Variants in GABRB1 observed in about 807,000 individuals in gnomAD.
The protein encoded by GABRB1 is gamma-aminobutyric acid receptor subunit beta-1.
Under a neutral mutation model 51.6 loss-of-function variants are expected in GABRB1, and 17 were observed. The ratio of observed to expected loss-of-function variants is 0.33; its 90% CI spans 0.23 to 0.49. The LOEUF is 0.49. Among genes scored for constraint, GABRB1 ranks in the 20% least tolerant of loss-of-function variants. The pLI is 0.99. For missense variants in GABRB1, 410 were observed against 600.6 expected, an observed-to-expected ratio of 0.68 and a Z score of 3.32; for synonymous variants, 247 against 218.9, an observed-to-expected ratio of 1.13 and a Z score of -1.14.
intron 5 of GABRB1, among the ~76,000 whole-genome samples, chr4:47,346,104 G>A (rs1172548593): frequency 6.6e-6 from 1 of 151,580 alleles, no homozygotes; most frequent in Non-Finnish European, 1.5e-5. Context: ...AAAAGAGAAA[G>A]AATTTGTTTG....
chr4:47,354,729 G>T (rs932274416), intron 5 of GABRB1, among the ~76,000 whole-genome samples: 2 of 151,910 alleles, frequency 1.3e-5, no homozygotes, highest in Non-Finnish European at 2.9e-5. Flanking sequence ...TGTATATCTG[G>T]CAATGATTTT....
chr4:47,164,000 C>T (rs1718067648), intron 4 of GABRB1, among the ~76,000 whole-genome samples: 1 of 151,952 alleles, frequency 6.6e-6, no homozygotes. Context: ...GAAGAGGAAG[C>T]AGGCATGTCT....
At chr4:47,273,864 T>TACACACATAC (rs1436701483) in intron 4 of GABRB1, among the ~76,000 whole-genome samples, 24,242 of 122,148 alleles carry the variant, frequency 0.2, 2,113 homozygotes, top group Non-Finnish European at 0.22. Context: ...CATATATACA[T>TACACACATAC]ACACACACAC....
intron 4 of GABRB1, among the ~76,000 whole-genome samples, chr4:47,218,111 T>C (rs1191184838): frequency 1.3e-5 from 2 of 151,892 alleles, no homozygotes; most frequent in African/African-American, 4.8e-5. Flanking sequence ...GCCTGGTTTA[T>C]TTCACTTAAT....
intron 3 of GABRB1, among the ~76,000 whole-genome samples, chr4:47,098,612 T>C (rs1331118960): frequency 2.6e-5 from 4 of 152,176 alleles, no homozygotes; most frequent in Admixed American, 6.6e-5. Flanking sequence ...TTTTAATTAA[T>C]ATCCATTATC....
intron 4 of GABRB1, among the ~76,000 whole-genome samples, chr4:47,246,726 AG>A (rs1288868765): frequency 6.6e-6 from 1 of 151,824 alleles, no homozygotes; most frequent in Non-Finnish European, 1.5e-5. Context: ...TCATTCTCAA[AG>A]GAGTAAGGTG....
chr4:47,358,555 C>T (rs890749927), intron 5 of GABRB1, among the ~76,000 whole-genome samples: 17 of 152,058 alleles, frequency 1.1e-4, no homozygotes, highest in African/African-American at 4.1e-4. Flanking sequence ...AGTTCAAAGG[C>T]AGTCTGAATG....
intron 5 of GABRB1, among the ~76,000 whole-genome samples, chr4:47,339,402 T>C (rs1037498458): frequency 1.3e-5 from 2 of 152,160 alleles, no homozygotes; most frequent in African/African-American, 2.4e-5. Context: ...AACTGTGGCT[T>C]AGGGAGAGCA....
At chr4:47,054,133 T>A (rs888442899) in intron 3 of GABRB1, among the ~76,000 whole-genome samples, 5 of 137,420 alleles carry the variant, frequency 3.6e-5, no homozygotes, top group Non-Finnish European at 7.9e-5. Context: ...AAGATGTAAG[T>A]AACCACTCAT....
At chr4:47,118,601 T>G (rs1020817014) in intron 3 of GABRB1, among the ~76,000 whole-genome samples, 1 of 152,198 alleles carries the variant, frequency 6.6e-6, no homozygotes, top group African/African-American at 2.4e-5. Flanking sequence ...CTCTTGGTTA[T>G]GTACGTGTGA....
intron 4 of GABRB1, among the ~76,000 whole-genome samples, chr4:47,202,654 C>A (rs1201380767): frequency 1.3e-5 from 2 of 152,150 alleles, no homozygotes; most frequent in Admixed American, 6.6e-5. Flanking sequence ...ACAGAGTTGA[C>A]AAGACTGTCT....
At chr4:47,290,898 T>C (rs1315159314) in intron 4 of GABRB1, among the ~76,000 whole-genome samples, 1 of 152,184 alleles carries the variant, frequency 6.6e-6, no homozygotes, top group Non-Finnish European at 1.5e-5. Flanking sequence ...CATAAAAGTT[T>C]AGAAAATTTG....
At chr4:47,252,188 C>G (rs1722018541) in intron 4 of GABRB1, among the ~76,000 whole-genome samples, 1 of 151,090 alleles carries the variant, frequency 6.6e-6, no homozygotes, top group African/African-American at 2.4e-5. Context: ...GCTCCCAAGG[C>G]CTTTCTGCTG....
At chr4:47,164,922 G>T (rs1718109574) in intron 4 of GABRB1, among the ~76,000 whole-genome samples, 1 of 151,976 alleles carries the variant, frequency 6.6e-6, no homozygotes, top group Non-Finnish European at 1.5e-5. Flanking sequence ...TTGCCCTTAG[G>T]TCACCCTCCT....
chr4:47,144,343 C>T (rs1717061993), intron 3 of GABRB1, among the ~76,000 whole-genome samples: 1 of 151,916 alleles, frequency 6.6e-6, no homozygotes, highest in Non-Finnish European at 1.5e-5. Context: ...AAGTTGTCAG[C>T]AAAGCTGTGC....
intron 5 of GABRB1, among the ~76,000 whole-genome samples, chr4:47,360,960 G>A: frequency 6.6e-6 from 1 of 152,050 alleles, no homozygotes; most frequent in Non-Finnish European, 1.5e-5. Flanking sequence ...ACAACCCAAT[G>A]AGAATAAATA....
chr4:47,275,676 T>C (rs750174400), intron 4 of GABRB1, among the ~76,000 whole-genome samples: 3 of 152,132 alleles, frequency 2.0e-5, no homozygotes, highest in Non-Finnish European at 4.4e-5. Flanking sequence ...GTTTCCAAGA[T>C]CAGGAAACCA....
chr4:47,300,914 C>T (rs1040075995), intron 4 of GABRB1, among the ~76,000 whole-genome samples: 1 of 152,148 alleles, frequency 6.6e-6, no homozygotes, highest in African/African-American at 2.4e-5. Flanking sequence ...AAACCAGTCT[C>T]TCTGTTATCT....
At chr4:47,084,870 T>A (rs913683426) in intron 3 of GABRB1, among the ~76,000 whole-genome samples, 1 of 152,192 alleles carries the variant, frequency 6.6e-6, no homozygotes, top group Non-Finnish European at 1.5e-5. Context: ...TGGGTTTACA[T>A]CAGCAAAACC....
Sources: gnomAD v4.1 joint callset for allele counts (sites outside exome capture counted in the v4.1 genomes callset) on GRCh38, gnomAD v4.1.1 for gene constraint, MANE v1.5 for transcripts, NCBI Gene and HGNC (gene_info 2026-07-23, HGNC 2026-07-21) for gene names.